XPO6: variants seen among roughly 807,000 people sequenced by gnomAD.
XPO6 encodes the protein exportin 6.
Under a neutral mutation model 130.0 loss-of-function variants are expected in XPO6, and 3 were observed. The ratio of observed to expected loss-of-function variants is 0.02; its 90% CI spans 0.01 to 0.06. XPO6 has a LOEUF of 0.06. Among genes scored for constraint, XPO6 ranks in the 10% least tolerant of loss-of-function variants. XPO6 has a pLI of 1.00. For synonymous variants in XPO6, 524 were observed against 548.9 expected, an observed-to-expected ratio of 0.95 and a Z score of 0.63; for missense variants, 970 against 1,393.0, an observed-to-expected ratio of 0.70 and a Z score of 4.83.
At chr16:28,102,122 C>T (rs928873390) in intron 21 of XPO6, 177 bp from the exon 22 acceptor site, 14 of 568,670 alleles carry the variant, frequency 2.5e-5, no homozygotes, top group African/African-American at 3.8e-5. Context: ...TTTTCCCCAC[C>T]GGGCCTTGCT....
At chr16:28,160,616 G>C (rs955168489) in intron 6 of XPO6, among the ~76,000 whole-genome samples, 2 of 151,928 alleles carry the variant, frequency 1.3e-5, no homozygotes, top group African/African-American at 4.8e-5. Context: ...GAGATGTCTG[G>C]AGTGATCAAA....
In XPO6 at chr16:28,101,369, G is replaced by T; in HGVS notation, c.3276+89C>A. ...GGGTGGGCACAGACCACGCCCAGAG[G>T]CCTCAATGTGCCCCCTCCTTGCTGC... On this transcript the variant is annotated intron_variant, in intron 23 of 23. Transcript: ENST00000304658. This position sits in a 1 kb window ranked among gnomAD's most constrained non-coding sequence, Gnocchi z 5.4. 1 of 1,164,338 alleles carries T rather than the reference G, an allele frequency of 8.6e-7. No individual in the cohort carries two copies. The highest frequency in any genetic ancestry group is 1.3e-6 in the Non-Finnish European group (1 of 783,348). The allele number at this position is 1,164,338 out of a possible 1,614,324, so 72.1% of individuals were successfully genotyped here.
intron 1 of XPO6, among the ~76,000 whole-genome samples, chr16:28,204,318 G>GTTT (rs2043995465): frequency 6.6e-6 from 1 of 152,020 alleles, no homozygotes; most frequent in Admixed American, 6.6e-5. Context: ...TGGAAGTGCT[G>GTTT]AAGTGGCATT....
chr16:28,186,813 T>C (rs1230638182), intron 1 of XPO6, among the ~76,000 whole-genome samples: 4 of 152,096 alleles, frequency 2.6e-5, no homozygotes, highest in African/African-American at 7.2e-5. Context: ...GCTGAGACTA[T>C]AGGCACATGC....
chr16:28,118,918 C>T (rs2087147966), intron 14 of XPO6, among the ~76,000 whole-genome samples: 1 of 152,156 alleles, frequency 6.6e-6, no homozygotes, highest in Admixed American at 6.5e-5. Context: ...TTTGAGAAAC[C>T]AAGACCTGGG....
At chr16:28,156,602 A>AAT in intron 6 of XPO6, 75 bp from the exon 7 acceptor site, 1 of 931,196 alleles carries the variant, frequency 1.1e-6, no homozygotes, top group South Asian at 2.1e-5. Flanking sequence ...TCTCCTTCAA[A>AAT]AAAATATATA....
At chr16:28,166,755 C>T (rs760611422) in intron 5 of XPO6, 170 bp from the exon 6 acceptor site, 84 of 985,348 alleles carry the variant, frequency 8.5e-5, no homozygotes, top group Non-Finnish European at 9.6e-5. Flanking sequence ...TCACAGCTAT[C>T]TTCTGGCTCT....
chr16:28,146,803 T>C (rs1410469604), intron 8 of XPO6, among the ~76,000 whole-genome samples: 4 of 152,186 alleles, frequency 2.6e-5, no homozygotes, highest in Admixed American at 6.5e-5. Flanking sequence ...AACGTGCTAA[T>C]AGCAACCTCC....
intron 20 of XPO6, among the ~76,000 whole-genome samples, chr16:28,105,415 A>G (rs1448330155): frequency 6.6e-6 from 1 of 152,224 alleles, no homozygotes; most frequent in African/African-American, 2.4e-5. Flanking sequence ...TTCAGCCTTG[A>G]TTAAAATTAA....
At chr16:28,125,563 T>C (rs555966317) in intron 13 of XPO6, 126 bp downstream of exon 13, 1 of 1,220,256 alleles carries the variant, frequency 8.2e-7, no homozygotes, top group Admixed American at 2.6e-5. Context: ...TCAGCTTGTA[T>C]GTGGCAGAGC....
At chr16:28,117,944 C>T (rs375376171) in intron 14 of XPO6, among the ~76,000 whole-genome samples, 78 of 152,296 alleles carry the variant, frequency 5.1e-4, no homozygotes, top group African/African-American at 1.8e-3. Flanking sequence ...ATAACTGAGG[C>T]GGCAAAGACT....
chr16:28,176,239 TA>T, intron 3 of XPO6, 144 bp from the exon 4 acceptor site: 1 of 718,846 alleles, frequency 1.4e-6, no homozygotes, highest in Non-Finnish European at 2.3e-6. Flanking sequence ...ATAAGAATAA[TA>T]AAAGTATTCA....
At chr16:28,202,054 A>C (rs956677084) in intron 1 of XPO6, among the ~76,000 whole-genome samples, 5 of 152,216 alleles carry the variant, frequency 3.3e-5, no homozygotes, top group African/African-American at 9.6e-5. Context: ...CAAGAAAGAA[A>C]AGGGCGCTAG....
In XPO6 at chr16:28,193,215, T is replaced by C. The variant is rs188263861; in HGVS notation, c.4-12184A>G. Among the ~76,000 whole-genome samples the C allele has an allele frequency of 2.7e-4, 41 of 152,296 alleles. 1 individual carries two copies. Among genetic ancestry groups the C allele is most frequent in the Admixed American group, 8.5e-4 (13 of 15,304 alleles). ...AAGGCTCTCAAAATATCACTGCCAATTGCCAAAGGGTCCTTAAGTATCCCT... is the reference window on the plus strand; with the variant it reads ...AAGGCTCTCAAAATATCACTGCCAACTGCCAAAGGGTCCTTAAGTATCCCT... On this transcript the variant is annotated intron_variant, in intron 1 of 23. Coordinates refer to ENST00000304658, the MANE Select transcript of XPO6 (RefSeq NM_015171.4).
intron 15 of XPO6, among the ~76,000 whole-genome samples, chr16:28,114,256 T>G (rs1265360938): frequency 6.7e-6 from 1 of 148,410 alleles, no homozygotes; most frequent in East Asian, 2.0e-4. Flanking sequence ...GCTGTACATA[T>G]GTAAAGGAAA....
chr16:28,159,102 T>C (rs2043230153), intron 6 of XPO6, among the ~76,000 whole-genome samples: 1 of 152,040 alleles, frequency 6.6e-6, no homozygotes, highest in East Asian at 1.9e-4. Flanking sequence ...TGGTGGCACA[T>C]GCCTATAGGC....
chr16:28,181,099 T>A, intron 1 of XPO6, 68 bp from the exon 2 acceptor site: 1 of 1,225,304 alleles, frequency 8.2e-7, no homozygotes, highest in South Asian at 1.3e-5. Flanking sequence ...CAGTTCCTTC[T>A]AGGTCACATT....
chr16:28,127,829 G>A (rs552141916), intron 12 of XPO6, among the ~76,000 whole-genome samples: 1 of 152,332 alleles, frequency 6.6e-6, no homozygotes, highest in East Asian at 1.9e-4. Flanking sequence ...CAGACAGAGA[G>A]GGCCAGTGAC....
chr16:28,165,716 G>A (rs1199655634), intron 6 of XPO6, among the ~76,000 whole-genome samples: 1 of 152,174 alleles, frequency 6.6e-6, no homozygotes, highest in East Asian at 1.9e-4. Flanking sequence ...AGAAGATGTG[G>A]AAATATTTCT....
Sources: allele counts gnomAD v4.1 joint callset (sites outside exome capture counted in the v4.1 genomes callset), GRCh38; gene constraint gnomAD v4.1.1; non-coding constraint Gnocchi (gnomAD v3.1); transcripts MANE v1.5; gene names NCBI Gene and HGNC (gene_info 2026-07-23, HGNC 2026-07-21).